DOCK3: variants seen among roughly 807,000 people sequenced by gnomAD.
DOCK3 encodes the protein dedicator of cytokinesis protein 3.
Under a neutral mutation model 265.6 loss-of-function variants are expected in DOCK3, and 60 were observed. The observed-to-expected ratio is 0.23, with a 90% CI of 0.18 to 0.28. DOCK3 has a LOEUF of 0.28. DOCK3 is among the 10% of genes least tolerant of loss of function. The pLI, the probability that DOCK3 is intolerant of heterozygous loss-of-function variation, is 1.00. For synonymous variants in DOCK3, 881 were observed against 938.0 expected (o/e 0.94, Z 1.11); for missense variants, 1,981 against 2,594.3 (o/e 0.76, Z 5.14).
At chr3:51,310,542 T>C (rs1255092709) in intron 28 of DOCK3, among the ~76,000 whole-genome samples, 6 of 152,174 alleles carry the variant, frequency 3.9e-5, no homozygotes, top group Non-Finnish European at 7.3e-5. Flanking sequence ...AAATATAATA[T>C]CCAGAGAAGG....
At chr3:50,861,750 GCT>G (rs991103406) in intron 3 of DOCK3, among the ~76,000 whole-genome samples, 5 of 148,170 alleles carry the variant, frequency 3.4e-5, no homozygotes, top group African/African-American at 1.0e-4. Context: ...AGCAACCCCT[GCT>G]CTCTCTTTTT....
At chr3:51,327,167 G>A (rs1015806131) in intron 32 of DOCK3, among the ~76,000 whole-genome samples, 3 of 152,114 alleles carry the variant, frequency 2.0e-5, no homozygotes, top group African/African-American at 4.8e-5. Context: ...TCTGCCAGAT[G>A]ATGGGCTCTT....
intron 32 of DOCK3, among the ~76,000 whole-genome samples, chr3:51,323,230 T>C (rs2083860647): frequency 6.6e-6 from 1 of 152,014 alleles, no homozygotes; most frequent in African/African-American, 2.4e-5. Context: ...ACTACAAAGA[T>C]ACTTAGACTC....
intron 12 of DOCK3, among the ~76,000 whole-genome samples, chr3:51,181,802 G>A (rs2087312749): frequency 6.6e-6 from 1 of 152,066 alleles, no homozygotes; most frequent in African/African-American, 2.4e-5. Context: ...GTACACAGGT[G>A]TTCATGATAC....
intron 2 of DOCK3, among the ~76,000 whole-genome samples, chr3:50,831,122 G>T (rs1169152079): frequency 1.3e-5 from 2 of 151,966 alleles, no homozygotes; most frequent in East Asian, 3.9e-4. Context: ...AGGACAACCA[G>T]AGGTCATTTT....
At chr3:50,973,209 A>G (rs1575648325) in intron 5 of DOCK3, among the ~76,000 whole-genome samples, 3 of 148,482 alleles carry the variant, frequency 2.0e-5, no homozygotes, top group South Asian at 4.2e-4. Context: ...GCATATGTAT[A>G]CATGTGCCAC....
At chr3:51,234,894 C>T (rs1206071264) in intron 19 of DOCK3, among the ~76,000 whole-genome samples, 2 of 152,164 alleles carry the variant, frequency 1.3e-5, no homozygotes, top group African/African-American at 2.4e-5. Context: ...CAGGTGAATC[C>T]TACACAGTGG....
At chr3:50,746,190 A>C (rs1333068167) in intron 1 of DOCK3, among the ~76,000 whole-genome samples, 1 of 150,730 alleles carries the variant, frequency 6.6e-6, no homozygotes, top group Non-Finnish European at 1.5e-5. Context: ...GCTCACTGCA[A>C]CCTCCGCCTC....
At position 51,075,344 on chromosome 3, in the gene DOCK3, T is replaced by C; in HGVS notation, c.465-12T>C. ...TACATGGCATACTGAGTGTGGTCTT[T>C]CTCTTTACTAGACATTTGGGCCTGG... On this transcript the variant is annotated splice_polypyrimidine_tract_variant and intron_variant, in intron 6 of 52. Coordinates refer to ENST00000266037, the MANE Select transcript of DOCK3 (RefSeq NM_004947.5). The C allele has an allele frequency of 6.2e-7, 1 of 1,604,536 alleles. No homozygotes were observed. Among genetic ancestry groups the C allele is most frequent in the Non-Finnish European group, 8.5e-7 (1 of 1,175,500 alleles).
intron 22 of DOCK3, among the ~76,000 whole-genome samples, chr3:51,256,820 C>A (rs1156628896): frequency 6.6e-6 from 1 of 152,126 alleles, no homozygotes; most frequent in Non-Finnish European, 1.5e-5. Context: ...GTCTCAGACT[C>A]CTGACCTCAG....
intron 3 of DOCK3, among the ~76,000 whole-genome samples, chr3:50,855,380 T>A (rs1192391895): frequency 1.0e-5 from 1 of 99,168 alleles, no homozygotes; most frequent in Admixed American, 1.5e-4. Flanking sequence ...TATTGTATTA[T>A]GTTGTGTTGT....
intron 5 of DOCK3, among the ~76,000 whole-genome samples, chr3:51,034,901 T>G (rs1369394276): frequency 6.6e-6 from 1 of 152,100 alleles, no homozygotes; most frequent in Non-Finnish European, 1.5e-5. Context: ...AATATGTTAT[T>G]CCATTGTGGT....
chr3:51,208,819 C>T lies in DOCK3; in HGVS notation c.1083C>T (p.Ile361=). 1 of 1,612,160 alleles carries T rather than the reference C, an allele frequency of 6.2e-7. No individual in the cohort carries two copies. Residue 361 remains isoleucine (I), a synonymous_variant, in exon 13 of 53, where the codon ATC becomes ATT. Coordinates refer to ENST00000266037, the MANE Select transcript of DOCK3 (RefSeq NM_004947.5). ...GGTCCCAGATCCACGAGAACATCAT[C>T]CGAAAGTCCAGTGCCAAGTACTCTG... ...SEWSQIHENI[I]RKSSAKYSAP...
intron 23 of DOCK3, among the ~76,000 whole-genome samples, chr3:51,262,192 T>C (rs542355301): frequency 2.0e-5 from 3 of 152,276 alleles, no homozygotes; most frequent in Admixed American, 2.0e-4. Context: ...TGGGTGCCCC[T>C]CTGGGACGAA....
intron 10 of DOCK3, among the ~76,000 whole-genome samples, chr3:51,148,570 G>A (rs1210622817): frequency 1.3e-5 from 2 of 152,200 alleles, no homozygotes; most frequent in Non-Finnish European, 2.9e-5. Flanking sequence ...TGGCTAGCCA[G>A]TTTTCCCAGC....
intron 12 of DOCK3, among the ~76,000 whole-genome samples, chr3:51,173,548 A>T (rs540848512): frequency 6.6e-6 from 1 of 152,336 alleles, no homozygotes; most frequent in African/African-American, 2.4e-5. Flanking sequence ...GCTTTTGTTC[A>T]TCAAGATTAT....
chr3:50,883,008 A>C (rs199673958), intron 3 of DOCK3, among the ~76,000 whole-genome samples: 1 of 152,174 alleles, frequency 6.6e-6, no homozygotes, highest in Non-Finnish European at 1.5e-5. Flanking sequence ...TGAGCAAACT[A>C]TTGCAAGGAC....
rs1182072251 is a variant in DOCK3, at chr3:51,382,600, C to A, written c.*1041C>A. On this transcript the variant is annotated 3_prime_UTR_variant, in exon 53 of 53. Coordinates refer to ENST00000266037, the MANE Select transcript of DOCK3 (RefSeq NM_004947.5). ...CAGCCAGGCTTCCAGGCCCTGAGGA[C>A]ATGTGGTCAGGTTCAGCAGGCTCCT... The A allele has an allele frequency of 6.6e-6, 1 of 152,634 alleles. No individual in the cohort carries two copies. The highest frequency in any genetic ancestry group is 1.5e-5 in the Non-Finnish European group (1 of 68,080). 9.5% of individuals were successfully genotyped at this position (152,634 alleles called of 1,614,324 possible).
intron 10 of DOCK3, among the ~76,000 whole-genome samples, chr3:51,149,990 G>A (rs770965520): frequency 6.6e-6 from 1 of 152,168 alleles, no homozygotes; most frequent in South Asian, 2.1e-4. Context: ...TGGTTGGGAG[G>A]CAATTAATTA....
Sources: gnomAD v4.1 joint callset for allele counts (sites outside exome capture counted in the v4.1 genomes callset) on GRCh38, gnomAD v4.1.1 for gene constraint, MANE v1.5 for transcripts, NCBI Gene and HGNC (gene_info 2026-07-23, HGNC 2026-07-21) for gene names.